Variants in LRP2 observed in about 807,000 individuals in gnomAD.
LRP2 encodes the protein low-density lipoprotein receptor-related protein 2.
In LRP2, 172 loss-of-function variants were observed where a neutral mutation model predicts 531.0. That is an observed-to-expected ratio of 0.32 (90% CI 0.29 to 0.37). LRP2 has a LOEUF of 0.37. LRP2 is among the 10% of genes least tolerant of loss of function. The probability of loss-of-function intolerance (pLI) is 1.00; values close to 1 mark genes in which losing one functional copy is unlikely to be tolerated. For synonymous variants in LRP2, 1,992 were observed against 2,027.6 expected (o/e 0.98, Z 0.47); for missense variants, 5,167 against 5,868.3 (o/e 0.88, Z 3.90).
intron 54 of LRP2, among the ~76,000 whole-genome samples, chr2:169,175,843 C>A (rs766198054): frequency 6.6e-6 from 1 of 152,168 alleles, no homozygotes; most frequent in East Asian, 1.9e-4. Context: ...TCACTACAAT[C>A]GTCTACCTCT....
intron 56 of LRP2, 24 bp downstream of exon 56, chr2:169,173,895 C>T: frequency 6.2e-7 from 1 of 1,613,824 alleles, no homozygotes; most frequent in Non-Finnish European, 8.5e-7. Flanking sequence ...CTGGTCATGC[C>T]TTGGTCCTCC....
intron 16 of LRP2, among the ~76,000 whole-genome samples, chr2:169,269,432 T>C (rs146890752): frequency 0.018 from 2,671 of 151,462 alleles, 73 homozygotes; most frequent in African/African-American, 0.059. Context: ...CAGAATAGAG[T>C]CCTCAGAAAT....
intron 8 of LRP2, among the ~76,000 whole-genome samples, chr2:169,290,275 T>TA (rs1683966354): frequency 6.9e-6 from 1 of 145,960 alleles, no homozygotes; most frequent in African/African-American, 2.5e-5. Context: ...TTTTTTTTTT[T>TA]TTTTTTTTTT....
At chr2:169,290,735 TG>T (rs1453377422) in intron 8 of LRP2, 109 bp downstream of exon 8, 1 of 1,163,162 alleles carries the variant, frequency 8.6e-7, no homozygotes, top group Non-Finnish European at 1.3e-6. Context: ...CACTAAGTCT[TG>T]GGGTGCTTTG....
intron 50 of LRP2, 105 bp downstream of exon 50, chr2:169,185,397 AT>A: frequency 9.8e-7 from 1 of 1,021,662 alleles, no homozygotes; most frequent in Non-Finnish European, 1.5e-6. Context: ...CATTAAATGT[AT>A]CTGCATATTA....
chr2:169,255,533 A>T (rs1445658174), intron 19 of LRP2, among the ~76,000 whole-genome samples: 1 of 150,904 alleles, frequency 6.6e-6, no homozygotes, highest in Non-Finnish European at 1.5e-5. Context: ...ACGAAAAAAA[A>T]TTATGTCTTG....
chr2:169,215,631 T>C (rs1238319444), intron 35 of LRP2, among the ~76,000 whole-genome samples: 1 of 150,684 alleles, frequency 6.6e-6, no homozygotes, highest in Non-Finnish European at 1.5e-5. Flanking sequence ...GGTAGATACA[T>C]AGAATATACC....
At chr2:169,162,266 G>A (rs1021375785) in intron 63 of LRP2, among the ~76,000 whole-genome samples, 2 of 152,182 alleles carry the variant, frequency 1.3e-5, no homozygotes, top group Non-Finnish European at 2.9e-5. Context: ...TAACTCATAA[G>A]ATTGCTACCA....
chr2:169,339,220 A>T (rs1342556797), intron 1 of LRP2, among the ~76,000 whole-genome samples: 1 of 152,102 alleles, frequency 6.6e-6, no homozygotes, highest in African/African-American at 2.4e-5. Context: ...TAACCTAATT[A>T]TGTAGCTAAT....
intron 29 of LRP2, 31 bp from the exon 30 acceptor site, chr2:169,233,619 A>T: frequency 1.9e-6 from 3 of 1,608,516 alleles, no homozygotes; most frequent in Non-Finnish European, 2.6e-6. Context: ...GTGAGACCTC[A>T]TCCAAAAATC....
intron 38 of LRP2, among the ~76,000 whole-genome samples, chr2:169,208,577 C>G (rs558895447): frequency 1.3e-5 from 2 of 152,284 alleles, no homozygotes; most frequent in East Asian, 3.9e-4. Flanking sequence ...CTGCCTCAGG[C>G]TCCTGAGTAG....
chr2:169,160,477 G>A (rs533381417), intron 63 of LRP2, among the ~76,000 whole-genome samples: 2 of 151,944 alleles, frequency 1.3e-5, no homozygotes, highest in East Asian at 3.9e-4. Flanking sequence ...GGAGAAGGAA[G>A]AAGAAGAAGG....
chr2:169,165,997 T>C lies in LRP2; in HGVS notation c.11693A>G (p.Tyr3898Cys). ...RFRCDNNRCI[Y>C]SHEVCNGVDD... Reference sequence around the variant, plus strand: ...CACACCATTGCACACCTCATGACTATAAATGCAGCGATTGTTGTCACACCG... The same window carrying C: ...CACACCATTGCACACCTCATGACTACAAATGCAGCGATTGTTGTCACACCG... Residue 3898 changes from tyrosine (Y) to cysteine (C), a missense_variant, in exon 62 of 79, where the codon TAT (tyrosine) becomes TGT (cysteine). Around this residue, in one of 6 missense-constraint regions of LRP2, gnomAD observed 564 missense variants for 747.7 expected, o/e 0.75. Transcript: ENST00000649046. 1.9e-6 allele frequency: 3 copies of C among 1,614,100 alleles called. No individual in the cohort carries two copies. The highest frequency in any genetic ancestry group is 2.5e-6 in the Non-Finnish European group (3 of 1,179,946).
At chr2:169,318,741 G>A in intron 3 of LRP2, 21 bp downstream of exon 3, 16 of 1,613,994 alleles carry the variant, frequency 9.9e-6, no homozygotes, top group Non-Finnish European at 1.4e-5. Context: ...GCCAAAGCAA[G>A]ATTCCTCTCC....
chr2:169,263,678 G>T (rs1372289973), intron 16 of LRP2, among the ~76,000 whole-genome samples: 1 of 151,880 alleles, frequency 6.6e-6, no homozygotes, highest in Non-Finnish European at 1.5e-5. Context: ...CATTGTGGAA[G>T]TCAGTGTGGC....
rs1683677543 is a variant in LRP2, at chr2:169,280,585, A to C, written c.1172-66T>G. 3.7e-5 allele frequency: 55 copies of C among 1,479,614 alleles called. 1 individual carries two copies. The South Asian group carries it at 6.0e-4, about 16-fold the overall frequency. 91.7% of individuals were successfully genotyped at this position (1,479,614 alleles called of 1,614,324 possible). A position where few individuals can be genotyped will look rare whatever the true frequency, so the allele number is the denominator to read the frequency against. On this transcript the variant is annotated intron_variant, in intron 10 of 78. Transcript: ENST00000649046. Reference sequence around the variant, plus strand: ...AGCAAGGATGGTGAAGTAGCTTACAAATGATATGCTTTCTGCTTTTTCAAA... The same window carrying C: ...AGCAAGGATGGTGAAGTAGCTTACACATGATATGCTTTCTGCTTTTTCAAA...
chr2:169,265,496 G>T (rs963072574), intron 16 of LRP2, among the ~76,000 whole-genome samples: 1 of 152,000 alleles, frequency 6.6e-6, no homozygotes, highest in African/African-American at 2.4e-5. Context: ...AGAGAAAATG[G>T]AAACAGAGGA....
chr2:169,189,040 A>G (rs897980301), intron 48 of LRP2, among the ~76,000 whole-genome samples: 1 of 152,202 alleles, frequency 6.6e-6, no homozygotes, highest in Non-Finnish European at 1.5e-5. Flanking sequence ...TCATTATAAC[A>G]ATATAATTTC....
chr2:169,226,559 G>C lies in LRP2; in HGVS notation c.5257C>G (p.Gln1753Glu). 6.2e-7 allele frequency: 1 copy of C among 1,612,398 alleles called. No individual in the cohort carries two copies. Among genetic ancestry groups the C allele is most frequent in the African/African-American group, 1.3e-5 (1 of 74,990 alleles). The change falls in exon 32 of 79, where the codon CAA (glutamine) becomes GAA (glutamate). Residue 1753 changes from glutamine to glutamate, a missense_variant. Physicochemically the swap from Gln to Glu is conservative, Grantham distance 29. Coordinates refer to ENST00000649046, the MANE Select transcript of LRP2 (RefSeq NM_004525.3). ...DDQPFLITVRQHIIFGISLNP... is the reference protein window; with the variant it reads ...DDQPFLITVREHIIFGISLNP... Reference sequence around the variant, plus strand: ...AGGGAGATTCCAAAAATTATATGTTGCCTTACAGTTATTAAGAAAGGTTGA... The same window carrying C: ...AGGGAGATTCCAAAAATTATATGTTCCCTTACAGTTATTAAGAAAGGTTGA...
Sources: allele counts gnomAD v4.1 joint callset (sites outside exome capture counted in the v4.1 genomes callset), GRCh38; gene constraint gnomAD v4.1.1; regional missense constraint gnomAD v4.1.1; transcripts MANE v1.5; gene names NCBI Gene and HGNC (gene_info 2026-07-23, HGNC 2026-07-21).